AGBL4: variants seen among roughly 807,000 people sequenced by gnomAD.
AGBL4 encodes the protein cytosolic carboxypeptidase 6.
In AGBL4, 58 loss-of-function variants were observed where a neutral mutation model predicts 66.4. That is an observed-to-expected ratio of 0.87 (90% CI 0.71 to 1.09). AGBL4 has a LOEUF of 1.09. Among genes scored for constraint, AGBL4 ranks in the 50% least tolerant of loss-of-function variants. AGBL4 has a pLI of 0.00. For missense variants in AGBL4, 579 were observed against 631.0 expected (o/e 0.92, Z 0.88); for synonymous variants, 234 against 222.9 (o/e 1.05, Z -0.44).
intron 4 of AGBL4, chr1:49,175,030 G>T (rs1032579479): frequency 4.6e-5 from 7 of 151,976 alleles, no homozygotes; most frequent in African/African-American, 1.4e-4. Context: ...CATCCAAAAA[G>T]AAACCAAAAA....
intron 1 of AGBL4, among the ~76,000 whole-genome samples, chr1:49,935,691 T>C (rs1409230038): frequency 6.6e-6 from 1 of 152,150 alleles, no homozygotes; most frequent in Non-Finnish European, 1.5e-5. Context: ...AAATCCGCTG[T>C]TCTACGGCCA....
intron 3 of AGBL4, among the ~76,000 whole-genome samples, chr1:49,282,036 A>G (rs540392716): frequency 6.6e-6 from 1 of 152,240 alleles, no homozygotes; most frequent in South Asian, 2.1e-4. Flanking sequence ...AGCTTGTGGA[A>G]CTGAACACTT....
chr1:49,875,209 GGTTA>G (rs1338127142), intron 1 of AGBL4, among the ~76,000 whole-genome samples: 39 of 148,892 alleles, frequency 2.6e-4, no homozygotes, highest in African/African-American at 9.4e-4. Context: ...ACATTGTGCA[GGTTA>G]GTTACATATG....
intron 6 of AGBL4, among the ~76,000 whole-genome samples, chr1:48,704,800 T>A (rs1646856195): frequency 6.6e-6 from 1 of 152,190 alleles, no homozygotes; most frequent in Non-Finnish European, 1.5e-5. Context: ...TTAACTTCTT[T>A]GTATAAGAAG....
At chr1:48,597,860 AAAG>A (rs1402428157) in intron 9 of AGBL4, among the ~76,000 whole-genome samples, 3 of 151,222 alleles carry the variant, frequency 2.0e-5, no homozygotes, top group African/African-American at 4.9e-5. Context: ...GAAGGAAAGA[AAAG>A]AAAGGAGAAA....
At chr1:49,694,185 G>A (rs944148414) in intron 3 of AGBL4, among the ~76,000 whole-genome samples, 1 of 151,826 alleles carries the variant, frequency 6.6e-6, no homozygotes, top group African/African-American at 2.4e-5. Flanking sequence ...CCTAAATAAC[G>A]TTCTTGACTA....
chr1:48,839,350 T>C (rs1646748608), intron 6 of AGBL4, among the ~76,000 whole-genome samples: 1 of 152,100 alleles, frequency 6.6e-6, no homozygotes, highest in Admixed American at 6.5e-5. Flanking sequence ...TGTGTATATA[T>C]ACACACATAT....
chr1:49,218,475 A>G (rs1311928084), intron 4 of AGBL4, among the ~76,000 whole-genome samples: 1 of 152,132 alleles, frequency 6.6e-6, no homozygotes, highest in Non-Finnish European at 1.5e-5. Context: ...AGAAAATGGA[A>G]TCTCAGAGAA....
rs12354336 is a variant in AGBL4, at chr1:48,659,910, C to T, written c.724+3242G>A. ...TGAACTGTGTCAGTCTTCACAACAA[C>T]GCTGTGAGGCAGGATTTCTATTATT... On this transcript the variant is annotated intron_variant, in intron 7 of 13. Transcript: ENST00000371839. Among the ~76,000 whole-genome samples, 565 of 152,358 alleles carry T rather than the reference C, an allele frequency of 3.7e-3. 4 individuals carry two copies. The highest frequency in any genetic ancestry group is 0.013 in the African/African-American group (534 of 41,584).
intron 1 of AGBL4, among the ~76,000 whole-genome samples, chr1:49,988,312 T>C (rs1452941146): frequency 6.6e-6 from 1 of 152,250 alleles, no homozygotes; most frequent in East Asian, 1.9e-4. Context: ...AGCACAGTAT[T>C]TGAGAATACC....
At chr1:49,988,055 CA>C (rs987202069) in intron 1 of AGBL4, among the ~76,000 whole-genome samples, 28 of 151,646 alleles carry the variant, frequency 1.8e-4, no homozygotes, top group Non-Finnish European at 3.5e-4. Flanking sequence ...GACTCAAAGA[CA>C]AAAAGTATAA....
intron 5 of AGBL4, among the ~76,000 whole-genome samples, chr1:48,983,281 C>T (rs910628264): frequency 6.6e-6 from 1 of 152,094 alleles, no homozygotes; most frequent in Non-Finnish European, 1.5e-5. Context: ...GTGCAGGTAG[C>T]AACCTCCTGG....
At chr1:49,982,967 C>A (rs1348955391) in intron 1 of AGBL4, among the ~76,000 whole-genome samples, 1 of 152,164 alleles carries the variant, frequency 6.6e-6, no homozygotes, top group African/African-American at 2.4e-5. Flanking sequence ...AGCAGAACAG[C>A]CTGGCTATGA....
At chr1:48,966,463 T>C (rs1201604232) in intron 5 of AGBL4, among the ~76,000 whole-genome samples, 1 of 152,008 alleles carries the variant, frequency 6.6e-6, no homozygotes, top group Non-Finnish European at 1.5e-5. Context: ...AGCCCCCAAG[T>C]TGGGAGATTT....
chr1:49,652,687 TC>T (rs2124453656), intron 3 of AGBL4, among the ~76,000 whole-genome samples: 1 of 152,138 alleles, frequency 6.6e-6, no homozygotes, highest in African/African-American at 2.4e-5. Flanking sequence ...AAGGAGCAAT[TC>T]CCCACAGCGC....
At chr1:48,906,864 A>G (rs926969353) in intron 5 of AGBL4, among the ~76,000 whole-genome samples, 3 of 152,240 alleles carry the variant, frequency 2.0e-5, no homozygotes, top group Non-Finnish European at 4.4e-5. Context: ...ACATTGTACA[A>G]TAGATGACTG....
At chr1:48,939,370 T>C (rs928035799) in intron 5 of AGBL4, among the ~76,000 whole-genome samples, 1 of 152,238 alleles carries the variant, frequency 6.6e-6, no homozygotes, top group African/African-American at 2.4e-5. Flanking sequence ...TGTACAGCGA[T>C]TGACAGGCTG....
chr1:49,295,204 A>T (rs1027162797), intron 3 of AGBL4, among the ~76,000 whole-genome samples: 2 of 152,206 alleles, frequency 1.3e-5, no homozygotes, highest in Non-Finnish European at 2.9e-5. Context: ...CAGTGTAAGC[A>T]TTGAGGATAT....
At chr1:48,821,396 T>A (rs780198044) in intron 6 of AGBL4, among the ~76,000 whole-genome samples, 2 of 152,182 alleles carry the variant, frequency 1.3e-5, no homozygotes, top group Non-Finnish European at 2.9e-5. Flanking sequence ...ATATACACCA[T>A]GAAATACTAT....
Sources: allele counts gnomAD v4.1 joint callset (sites outside exome capture counted in the v4.1 genomes callset), GRCh38; gene constraint gnomAD v4.1.1; transcripts MANE v1.5; gene names NCBI Gene and HGNC (gene_info 2026-07-23, HGNC 2026-07-21).